Variants in HMGB1 observed in about 807,000 individuals in gnomAD.
HMGB1 encodes the protein high mobility group box 1.
For synonymous variants in HMGB1, 81 were observed against 84.0 expected, an observed-to-expected ratio of 0.96 and a Z score of 0.19; for missense variants, 79 against 253.5, an observed-to-expected ratio of 0.31 and a Z score of 4.67.
chr13:30,602,679 CTGA>C (rs202169958), intron 1 of HMGB1, among the ~76,000 whole-genome samples: 4,093 of 152,316 alleles, frequency 0.027, 86 homozygotes, highest in Non-Finnish European at 0.039. Context: ...TCAATAATCA[CTGA>C]TGTTTTAGAA....
chr13:30,518,707 A>T (rs190462639), intron 1 of HMGB1, among the ~76,000 whole-genome samples: 86 of 151,786 alleles, frequency 5.7e-4, no homozygotes, highest in African/African-American at 1.7e-3. Flanking sequence ...ACATTCATAG[A>T]AACCTTTTTT....
At chr13:30,549,149 T>C (rs957023339) in intron 1 of HMGB1, among the ~76,000 whole-genome samples, 1 of 151,596 alleles carries the variant, frequency 6.6e-6, no homozygotes, top group Non-Finnish European at 1.5e-5. Context: ...ATAAGAAAAA[T>C]AGCTGGTCAT....
At chr13:30,612,864 T>C (rs956819333) in intron 1 of HMGB1, among the ~76,000 whole-genome samples, 5 of 152,386 alleles carry the variant, frequency 3.3e-5, no homozygotes, top group Admixed American at 6.5e-5. Context: ...TGCTGCTTTC[T>C]GAACTTTAGG....
At position 30,473,243 on chromosome 13, in the gene HMGB1, T is replaced by C. The variant is rs1484738287; in HGVS notation, c.-14-9549A>G. ...TCAGCAGCTTCTCCGTGGGCAGCAT[T>C]GATGATAGCCATCAATGCTATGGCA... On this transcript the variant is annotated intron_variant, in intron 1 of 4. Coordinates refer to the HMGB1 transcript ENST00000405805. Among the ~76,000 whole-genome samples the C allele has an allele frequency of 2.0e-5, 3 of 152,162 alleles. No individual in the cohort carries two copies. In the East Asian group the frequency reaches 5.8e-4, roughly 29 times the overall value.
intron 1 of HMGB1, among the ~76,000 whole-genome samples, chr13:30,588,371 T>C (rs1871239583): frequency 6.6e-6 from 1 of 152,248 alleles, no homozygotes; most frequent in Non-Finnish European, 1.5e-5. Flanking sequence ...TCCCAAAGGA[T>C]AGGCAGGTGG....
intron 1 of HMGB1, among the ~76,000 whole-genome samples, chr13:30,560,109 C>T (rs1476990530): frequency 6.6e-6 from 1 of 152,100 alleles, no homozygotes; most frequent in African/African-American, 2.4e-5. Context: ...TTATATCCCA[C>T]CTACCACTGC....
intron 1 of HMGB1, among the ~76,000 whole-genome samples, chr13:30,578,653 G>A (rs558646669): frequency 9.2e-5 from 14 of 151,980 alleles, no homozygotes; most frequent in East Asian, 7.7e-4. Flanking sequence ...TCCTAGATTC[G>A]GAACCTCTCT....
intron 1 of HMGB1, among the ~76,000 whole-genome samples, chr13:30,493,245 G>T (rs746481859): frequency 6.6e-6 from 1 of 152,134 alleles, no homozygotes; most frequent in Admixed American, 6.6e-5. Context: ...ACATGAGTCA[G>T]TAATAAACAG....
At chr13:30,512,650 G>C (rs1424309828) in intron 1 of HMGB1, among the ~76,000 whole-genome samples, 2 of 152,202 alleles carry the variant, frequency 1.3e-5, no homozygotes, top group Non-Finnish European at 2.9e-5. Flanking sequence ...TGATGAGCTT[G>C]GCTAAAGTAA....
intron 1 of HMGB1, among the ~76,000 whole-genome samples, chr13:30,578,131 C>T (rs1325661557): frequency 3.3e-5 from 5 of 151,926 alleles, no homozygotes; most frequent in Non-Finnish European, 7.4e-5. Context: ...AACGTCCTTG[C>T]CCTTTGCTTC....
chr13:30,527,980 A>C lies in HMGB1; in HGVS notation c.-14-64286T>G, dbSNP rs117743195. On this transcript the variant is annotated intron_variant, in intron 1 of 4. Coordinates refer to the HMGB1 transcript ENST00000405805. ...AGGTGTTATTTCAAAATTTTATTTA[A>C]AGTTGAGAACAACTGTTTGAAGAGA... Among the ~76,000 whole-genome samples, 1,205 of 152,326 alleles carry C rather than the reference A, an allele frequency of 7.9e-3. 13 individuals are homozygous for C. The highest frequency in any genetic ancestry group is 0.012 in the Non-Finnish European group (804 of 68,028).
chr13:30,556,242 T>G (rs1485117423), intron 1 of HMGB1, among the ~76,000 whole-genome samples: 1 of 152,126 alleles, frequency 6.6e-6, no homozygotes, highest in Non-Finnish European at 1.5e-5. Context: ...TTGTCTCTAC[T>G]AAAAACACAA....
intron 1 of HMGB1, among the ~76,000 whole-genome samples, chr13:30,494,849 C>T (rs990018823): frequency 6.6e-6 from 1 of 152,160 alleles, no homozygotes; most frequent in Non-Finnish European, 1.5e-5. Context: ...CTTTCTGTCT[C>T]TATGAATTTG....
At chr13:30,567,818 T>A (rs192785833) in intron 1 of HMGB1, among the ~76,000 whole-genome samples, 8 of 152,326 alleles carry the variant, frequency 5.3e-5, no homozygotes, top group Non-Finnish European at 1.2e-4. Context: ...CCACACCACA[T>A]GAAGGAACTT....
chr13:30,501,188 T>A lies in HMGB1; in HGVS notation c.-14-37494A>T, dbSNP rs149829974. ...GGTTAAATGTGAAAGTCACCATCAA[T>A]ATAAAAAGCTAGGAACCTTGGTCAA... is the stretch of plus-strand genomic sequence containing the variant. On this transcript the variant is annotated intron_variant, in intron 1 of 4. Transcript: ENST00000405805. 3.0e-3 allele frequency among the ~76,000 whole-genome samples: 464 copies of A among 152,298 alleles called. 5 individuals are homozygous for A. The highest frequency in any genetic ancestry group is 0.01 in the African/African-American group (428 of 41,578).
At chr13:30,464,578 C>T (rs895700316) in intron 1 of HMGB1, 2 of 981,064 alleles carry the variant, frequency 2.0e-6, no homozygotes, top group African/African-American at 1.8e-5. Flanking sequence ...GCCCTGCAGG[C>T]CCGCGCCGCC....
chr13:30,593,150 T>C (rs1018112638), intron 1 of HMGB1, among the ~76,000 whole-genome samples: 3 of 152,212 alleles, frequency 2.0e-5, no homozygotes, highest in African/African-American at 4.8e-5. Flanking sequence ...ATGTGACTCT[T>C]ACAGGAGCAG....
rs1236089912 is a variant in HMGB1, at chr13:30,459,496, G to A, written c.*1861C>T. The A allele has an allele frequency of 6.6e-6, 1 of 151,922 alleles. No homozygotes were observed. The highest frequency in any genetic ancestry group is 1.5e-5 in the Non-Finnish European group (1 of 67,974). 9.4% of individuals were successfully genotyped at this position (151,922 alleles called of 1,614,324 possible). ...TAGAAACTTCCATCTAAATCAGATTGAGTCATTTGCTCCTCTTAACAAAAA... is the reference window on the plus strand; with the variant it reads ...TAGAAACTTCCATCTAAATCAGATTAAGTCATTTGCTCCTCTTAACAAAAA... On this transcript the variant is annotated 3_prime_UTR_variant, in exon 5 of 5. Coordinates refer to ENST00000341423, the MANE Select transcript of HMGB1 (RefSeq NM_002128.7).
chr13:30,512,220 G>A (rs1322159303), intron 1 of HMGB1, among the ~76,000 whole-genome samples: 2 of 152,086 alleles, frequency 1.3e-5, no homozygotes, highest in Non-Finnish European at 2.9e-5. Context: ...TGACTGAGGA[G>A]GTCAAGGTAA....
Sources: allele counts gnomAD v4.1 joint callset (sites outside exome capture counted in the v4.1 genomes callset), GRCh38; gene constraint gnomAD v4.1.1; transcripts MANE v1.5; gene names NCBI Gene and HGNC (gene_info 2026-07-23, HGNC 2026-07-21).